The following GNE variants were observed in gnomAD, a reference collection of about 807,000 sequenced individuals.
GNE encodes glucosamine (UDP-N-acetyl)-2-epimerase/N-acetylmannosamine kinase, also known as bifunctional UDP-N-acetylglucosamine 2-epimerase/N-acetylmannosamine kinase.
A neutral mutation model predicts 61.8 loss-of-function variants in GNE; 41 were observed. The observed-to-expected ratio is 0.66, with a 90% CI of 0.52 to 0.86. The LOEUF is 0.86. Among genes scored for constraint, GNE ranks in the 40% least tolerant of loss-of-function variants. The pLI, the probability that GNE is intolerant of heterozygous loss-of-function variation, is 0.00. For missense variants in GNE, 608 were observed against 909.1 expected (o/e 0.67, Z 4.26); for synonymous variants, 264 against 326.4 (o/e 0.81, Z 2.06).
At chr9:36,252,071 C>T (rs765911778) in intron 1 of GNE, among the ~76,000 whole-genome samples, 6 of 151,290 alleles carry the variant, frequency 4.0e-5, no homozygotes, top group African/African-American at 7.3e-5. Flanking sequence ...CTGCGACCTC[C>T]GCCTCCTGGG....
At chr9:36,249,740 T>C (rs1378594808) in intron 1 of GNE, among the ~76,000 whole-genome samples, 1 of 151,704 alleles carries the variant, frequency 6.6e-6, no homozygotes, top group Admixed American at 6.6e-5. Context: ...AAAAATTAGC[T>C]GGGCGTGGTG....
At chr9:36,276,597 T>G (rs1303011917) in intron 1 of GNE, among the ~76,000 whole-genome samples, 2 of 152,128 alleles carry the variant, frequency 1.3e-5, no homozygotes, top group Non-Finnish European at 2.9e-5. Flanking sequence ...TCTCAAAAAG[T>G]AAAAGGAACC....
intron 7 of GNE, among the ~76,000 whole-genome samples, chr9:36,225,914 C>A (rs773462733): frequency 9.2e-5 from 14 of 152,166 alleles, no homozygotes; most frequent in Non-Finnish European, 1.9e-4. Flanking sequence ...TCTAATTTAA[C>A]CAGTCCAGGG....
chr9:36,216,108 G>A lies in GNE; in HGVS notation c.*1257C>T. 2.9e-6 allele frequency: 1 copy of A among 340,262 alleles called. No individual in the cohort carries two copies. Among genetic ancestry groups the A allele is most frequent in the Non-Finnish European group, 6.0e-6 (1 of 166,520 alleles). 21.1% of individuals were successfully genotyped at this position (340,262 alleles called of 1,614,324 possible). On this transcript the variant is annotated 3_prime_UTR_variant, in exon 12 of 12. Coordinates refer to ENST00000642385, the MANE Select transcript of GNE (RefSeq NM_005476.7). ...CAACAAATGGTATCCAGGATTAGGG[G>A]GGATATCTGAGATGGGGGAGTGATA...
At chr9:36,237,086 A>T (rs1829426903) in intron 3 of GNE, 102 bp from the exon 4 acceptor site, 1 of 904,168 alleles carries the variant, frequency 1.1e-6, no homozygotes, top group Non-Finnish European at 1.8e-6. Flanking sequence ...GCTTTTAAAA[A>T]TTCTACGATA....
intron 1 of GNE, chr9:36,276,776 G>T: frequency 1.3e-6 from 1 of 779,042 alleles, no homozygotes; most frequent in Non-Finnish European, 2.1e-6. Context: ...AAAAATGATG[G>T]ATTTGATAGA....
upstream of GNE, among the ~76,000 whole-genome samples, chr9:36,259,657 T>TTTTG (rs753208473): frequency 1.8e-4 from 28 of 152,298 alleles, no homozygotes; most frequent in Non-Finnish European, 1.2e-4. Flanking sequence ...CAGATTTCTT[T>TTTTG]TTTGTTTGTT....
intron 1 of GNE, among the ~76,000 whole-genome samples, chr9:36,274,113 T>A (rs1008194017): frequency 7.5e-5 from 10 of 133,502 alleles, no homozygotes; most frequent in South Asian, 4.9e-4. Context: ...TGTGTGTGTG[T>A]GTGACAGGGT....
intron 1 of GNE, among the ~76,000 whole-genome samples, chr9:36,272,770 C>A (rs1230730654): frequency 6.6e-6 from 1 of 150,878 alleles, no homozygotes; most frequent in African/African-American, 2.4e-5. Context: ...GGATTGGAAT[C>A]ATAAGAATGT....
At chr9:36,219,478 C>T (rs1563927786) in intron 10 of GNE, among the ~76,000 whole-genome samples, 2 of 152,214 alleles carry the variant, frequency 1.3e-5, no homozygotes, top group Non-Finnish European at 2.9e-5. Context: ...AGATATACTA[C>T]ACATACAGTG....
At chr9:36,242,952 C>G (rs1054819337) in intron 3 of GNE, among the ~76,000 whole-genome samples, 2 of 151,750 alleles carry the variant, frequency 1.3e-5, no homozygotes, top group Non-Finnish European at 2.9e-5. Context: ...GTTGGCCAGG[C>G]TGGTCTCCAA....
chr9:36,267,385 C>T (rs1830842623), intron 1 of GNE, among the ~76,000 whole-genome samples: 2 of 152,102 alleles, frequency 1.3e-5, no homozygotes, highest in Non-Finnish European at 2.9e-5. Flanking sequence ...GAAATATTGC[C>T]TTTTCTCAGG....
intron 5 of GNE, among the ~76,000 whole-genome samples, chr9:36,231,123 CAATG>C (rs113786498): frequency 0.8 from 114,752 of 144,242 alleles, 45,882 homozygotes; most frequent in African/African-American, 0.85. Flanking sequence ...GAAAGAAAGA[CAATG>C]AAAGAAGGAA....
intron 1 of GNE, among the ~76,000 whole-genome samples, chr9:36,266,216 C>G: frequency 6.6e-6 from 1 of 152,212 alleles, no homozygotes. Flanking sequence ...CAGGCATAAG[C>G]CACCGCGCCC....
Position 36,227,418 on chromosome 9 carries a change from A to G in GNE, c.1111T>C (p.Leu371=), listed in dbSNP as rs1305905839. 6.2e-7 allele frequency: 1 copy of G among 1,612,822 alleles called. No individual in the cohort carries two copies. The highest frequency in any genetic ancestry group is 8.5e-7 in the Non-Finnish European group (1 of 1,178,802). ...AGATCGATAGATTTGAGAAACTTCA[A>G]AATCCTTGGAACAGCATTTCCATCC... The part of the protein sequence containing the change: ...YGDGNAVPRI[L]KFLKSIDLQE... Residue 371 remains leucine, a synonymous_variant, in exon 7 of 12, where the codon TTG becomes CTG. Coordinates refer to ENST00000642385, the MANE Select transcript of GNE (RefSeq NM_005476.7).
At chr9:36,269,977 T>G (rs1040517650) in intron 1 of GNE, among the ~76,000 whole-genome samples, 2 of 151,916 alleles carry the variant, frequency 1.3e-5, no homozygotes, top group Non-Finnish European at 2.9e-5. Flanking sequence ...TTGGGTTTTC[T>G]TAGAGACAGG....
At chr9:36,249,685 T>C (rs1355610236) in intron 1 of GNE, among the ~76,000 whole-genome samples, 2 of 151,838 alleles carry the variant, frequency 1.3e-5, no homozygotes, top group Non-Finnish European at 2.9e-5. Context: ...AAGACCATCC[T>C]GGCTAACGTG....
In GNE at chr9:36,215,833, G is replaced by A. The variant is rs995029905; in HGVS notation, c.*1532C>T. 1 of 152,470 alleles carries A rather than the reference G, an allele frequency of 6.6e-6. No individual in the cohort carries two copies. Among genetic ancestry groups the A allele is most frequent in the African/African-American group, 2.4e-5 (1 of 41,434 alleles). 9.4% of individuals were successfully genotyped at this position (152,470 alleles called of 1,614,324 possible). ...CCTGATTCATGGCTCTGGGCTCTAGGTAAAACTCAAAACTTTAATGGACAC... is the reference window on the plus strand; with the variant it reads ...CCTGATTCATGGCTCTGGGCTCTAGATAAAACTCAAAACTTTAATGGACAC... On this transcript the variant is annotated 3_prime_UTR_variant, in exon 12 of 12. Coordinates refer to ENST00000642385, the MANE Select transcript of GNE (RefSeq NM_005476.7).
At chr9:36,276,806 T>G in intron 1 of GNE, 1 of 996,238 alleles carries the variant, frequency 1.0e-6, no homozygotes, top group Non-Finnish European at 1.6e-6. Flanking sequence ...AAAGCTTTCC[T>G]CTTCCTCTTT....
Sources: gnomAD v4.1 joint callset for allele counts (sites outside exome capture counted in the v4.1 genomes callset) on GRCh38, gnomAD v4.1.1 for gene constraint, MANE v1.5 for transcripts, NCBI Gene and HGNC (gene_info 2026-07-23, HGNC 2026-07-21) for gene names.